Variants in PIK3AP1 observed in about 807,000 individuals in gnomAD.
The protein encoded by PIK3AP1 is phosphoinositide-3-kinase adaptor protein 1, also known as phosphoinositide 3-kinase adapter protein 1.
Under a neutral mutation model 88.1 loss-of-function variants are expected in PIK3AP1, and 21 were observed. The observed-to-expected ratio is 0.24, with a 90% CI of 0.17 to 0.34. The LOEUF (loss-of-function observed/expected upper bound fraction) is 0.34, where lower values mean the gene tolerates loss of function less well. Ranked by LOEUF, PIK3AP1 falls within the 10% of genes least tolerant of loss-of-function variation. The pLI is 1.00. For synonymous variants in PIK3AP1, 398 were observed against 400.0 expected (o/e 1.00, Z 0.06); for missense variants, 828 against 1,035.7 (o/e 0.80, Z 2.75).
intron 16 of PIK3AP1, among the ~76,000 whole-genome samples, chr10:96,601,473 CAAA>C (rs11407501): frequency 2.0e-4 from 15 of 75,494 alleles, no homozygotes; most frequent in East Asian, 1.3e-3. Context: ...GAATCTATCT[CAAA>C]AAAAAAAAAA....
chr10:96,698,587 G>A (rs1444822833), intron 2 of PIK3AP1, among the ~76,000 whole-genome samples: 1 of 152,124 alleles, frequency 6.6e-6, no homozygotes, highest in East Asian at 1.9e-4. Flanking sequence ...ACTAAACTAA[G>A]CTGGGTGCAG....
chr10:96,658,493 T>A (rs1843644825), intron 2 of PIK3AP1, among the ~76,000 whole-genome samples: 1 of 152,128 alleles, frequency 6.6e-6, no homozygotes. Context: ...CTACAGGGCC[T>A]CAGTACCACC....
intron 2 of PIK3AP1, among the ~76,000 whole-genome samples, chr10:96,682,319 C>G (rs7070359): frequency 0.41 from 62,506 of 151,512 alleles, 13,067 homozygotes; most frequent in South Asian, 0.55. Flanking sequence ...AGAGCGGGTA[C>G]TCAAAGGATG....
At chr10:96,615,989 G>A (rs1019253369) in intron 13 of PIK3AP1, among the ~76,000 whole-genome samples, 2 of 152,158 alleles carry the variant, frequency 1.3e-5, no homozygotes, top group Admixed American at 6.5e-5. Context: ...GGCTGGCCTC[G>A]GTTAATCACA....
chr10:96,644,039 G>C (rs1295858366), intron 8 of PIK3AP1, among the ~76,000 whole-genome samples: 2 of 152,174 alleles, frequency 1.3e-5, no homozygotes, highest in Non-Finnish European at 2.9e-5. Context: ...CCTGCTGTGT[G>C]GGTCTCCTGC....
chr10:96,652,956 G>T, intron 3 of PIK3AP1, 114 bp from the exon 4 acceptor site: 1 of 1,209,870 alleles, frequency 8.3e-7, no homozygotes, highest in Non-Finnish European at 1.2e-6. Context: ...GAATCTCTGG[G>T]GACAGGGTGG....
intron 11 of PIK3AP1, among the ~76,000 whole-genome samples, chr10:96,622,295 C>T (rs1279918255): frequency 2.6e-5 from 4 of 152,194 alleles, no homozygotes; most frequent in African/African-American, 9.7e-5. Context: ...TGAAGCCAAC[C>T]CTCATCTCTC....
intron 8 of PIK3AP1, among the ~76,000 whole-genome samples, chr10:96,642,651 G>A (rs1747138797): frequency 6.6e-6 from 1 of 152,160 alleles, no homozygotes; most frequent in African/African-American, 2.4e-5. Context: ...CCCTGGCCCG[G>A]GTGACTTCAC....
At chr10:96,661,265 C>T (rs1287845218) in intron 2 of PIK3AP1, among the ~76,000 whole-genome samples, 2 of 151,738 alleles carry the variant, frequency 1.3e-5, no homozygotes, top group Non-Finnish European at 2.9e-5. Flanking sequence ...AACTATGGAT[C>T]ACTGATTGCC....
intron 16 of PIK3AP1, among the ~76,000 whole-genome samples, chr10:96,597,246 CCTT>C (rs894912548): frequency 6.6e-6 from 1 of 151,514 alleles, no homozygotes; most frequent in Non-Finnish European, 1.5e-5. Context: ...CACCTCTCTG[CCTT>C]CTTTTTTTCT....
chr10:96,692,784 C>A (rs1164867512), intron 2 of PIK3AP1, among the ~76,000 whole-genome samples: 2 of 152,108 alleles, frequency 1.3e-5, no homozygotes, highest in South Asian at 2.1e-4. Context: ...AAATTATAAT[C>A]AAAACTGTGT....
intron 8 of PIK3AP1, among the ~76,000 whole-genome samples, chr10:96,644,699 A>G (rs1589510272): frequency 6.6e-6 from 1 of 152,230 alleles, no homozygotes; most frequent in African/African-American, 2.4e-5. Context: ...CTTACTATAT[A>G]TTAATGCAAT....
intron 8 of PIK3AP1, among the ~76,000 whole-genome samples, chr10:96,630,614 C>T (rs1416327737): frequency 5.3e-5 from 8 of 151,782 alleles, no homozygotes; most frequent in East Asian, 3.9e-4. Flanking sequence ...GCAGGAAGAT[C>T]GCTTGAGCCC....
chr10:96,597,315 C>CTTCG lies in PIK3AP1; in HGVS notation c.2361-1682_2361-1681insCGAA, dbSNP rs1204269380. On this transcript the variant is annotated intron_variant, in intron 16 of 16. Transcript: ENST00000339364. The stretch of plus-strand genomic sequence containing the variant: ...CCTTCCTTCCTTCCTTCCTTCCTTC[C>CTTCG]TTCCTTCCTTCCTTCTTTCCTTCCC... Among the ~76,000 whole-genome samples the CTTCG allele has an allele frequency of 3.5e-3, 453 of 129,222 alleles. 7 individuals carry two copies. The highest frequency in any genetic ancestry group is 0.018 in the Middle Eastern group (5 of 272). 84.8% of individuals were successfully genotyped at this position (129,222 alleles called of 152,430 possible).
At chr10:96,701,433 T>C (rs1477032953) in intron 2 of PIK3AP1, among the ~76,000 whole-genome samples, 1 of 152,184 alleles carries the variant, frequency 6.6e-6, no homozygotes, top group Non-Finnish European at 1.5e-5. Flanking sequence ...AGTTTTCTCA[T>C]CTGCAAAATG....
At chr10:96,619,386 A>G (rs1843045885) in intron 12 of PIK3AP1, 1 of 152,268 alleles carries the variant, frequency 6.6e-6, no homozygotes, top group Non-Finnish European at 1.5e-5. Flanking sequence ...GTCTATAGCC[A>G]TAACACCCTG....
chr10:96,607,960 G>C (rs1849030894), intron 14 of PIK3AP1, among the ~76,000 whole-genome samples: 1 of 152,126 alleles, frequency 6.6e-6, no homozygotes, highest in Non-Finnish European at 1.5e-5. Flanking sequence ...ACAGGGGCCG[G>C]GTGCAGACTA....
intron 1 of PIK3AP1, among the ~76,000 whole-genome samples, chr10:96,710,854 T>G (rs1216130040): frequency 3.3e-5 from 5 of 152,198 alleles, no homozygotes; most frequent in Non-Finnish European, 7.3e-5. Flanking sequence ...AAATTAGATA[T>G]TTCATGTAAA....
chr10:96,707,413 C>T (rs1278178100), intron 2 of PIK3AP1, among the ~76,000 whole-genome samples: 1 of 152,170 alleles, frequency 6.6e-6, no homozygotes, highest in Non-Finnish European at 1.5e-5. Flanking sequence ...CTGCCTCAGC[C>T]TCCCGAGTAG....
Sources: gnomAD v4.1 joint callset for allele counts (sites outside exome capture counted in the v4.1 genomes callset) on GRCh38, gnomAD v4.1.1 for gene constraint, MANE v1.5 for transcripts, NCBI Gene and HGNC (gene_info 2026-07-23, HGNC 2026-07-21) for gene names.